Variants in CASC3 observed in about 807,000 individuals in gnomAD.
The protein encoded by CASC3 is protein CASC3.
A neutral mutation model predicts 80.5 loss-of-function variants in CASC3; 30 were observed. That is an observed-to-expected ratio of 0.37 (90% confidence interval 0.28 to 0.51). The LOEUF is 0.51. Ranked by LOEUF, CASC3 falls within the 20% of genes least tolerant of loss-of-function variation. The probability of loss-of-function intolerance (pLI) is 0.94; values close to 1 mark genes in which losing one functional copy is unlikely to be tolerated. For missense variants in CASC3, 824 were observed against 922.2 expected (o/e 0.89, Z 1.38); for synonymous variants, 312 against 333.6 (o/e 0.94, Z 0.70).
At chr17:40,142,616 C>T (rs990659738) in intron 3 of CASC3, among the ~76,000 whole-genome samples, 2 of 152,124 alleles carry the variant, frequency 1.3e-5, no homozygotes, top group African/African-American at 2.4e-5. Flanking sequence ...TGGCCCGGCG[C>T]GGTGGCTCAC....
chr17:40,145,126 G>A (rs535166757), intron 3 of CASC3, among the ~76,000 whole-genome samples: 44 of 151,852 alleles, frequency 2.9e-4, no homozygotes, highest in Admixed American at 1.9e-3. Flanking sequence ...CTCCCAAGGT[G>A]CTGGGATTAC....
intron 2 of CASC3, 30 bp downstream of exon 2, chr17:40,141,264 A>G (rs780896786): frequency 1.2e-6 from 2 of 1,604,790 alleles, no homozygotes; most frequent in Non-Finnish European, 1.7e-6. Flanking sequence ...CCATTAGGAC[A>G]AGAGTTTTTT....
chr17:40,141,366 T>A, intron 2 of CASC3, 132 bp downstream of exon 2: 1 of 931,298 alleles, frequency 1.1e-6, no homozygotes, highest in Non-Finnish European at 1.8e-6. Flanking sequence ...TGTAACATAG[T>A]GGTTAAGAGC....
At position 40,158,672 on chromosome 17, in the gene CASC3, C is replaced by T. The variant is rs560544143; in HGVS notation, c.298-3081C>T. ...CTTTCTGTGTCATGAACAGTGTTAC[C>T]CAATCTTGATGTGGTAAAAGAGGGA... On this transcript the variant is annotated intron_variant, in intron 3 of 13. Coordinates refer to ENST00000264645, the MANE Select transcript of CASC3 (RefSeq NM_007359.5). Among the ~76,000 whole-genome samples, 3 of 152,146 alleles carry T rather than the reference C, an allele frequency of 2.0e-5. No individual in the cohort carries two copies. The East Asian group carries it at 5.8e-4, about 29-fold the overall frequency.
At position 40,154,323 on chromosome 17, in the gene CASC3, C is replaced by T. The variant is rs1351618308; in HGVS notation, c.298-7430C>T. Among the ~76,000 whole-genome samples the T allele has an allele frequency of 2.0e-5, 3 of 151,848 alleles. No individual in the cohort carries two copies. In the East Asian group the frequency reaches 5.8e-4, roughly 29 times the overall value. On this transcript the variant is annotated intron_variant, in intron 3 of 13. Transcript: ENST00000264645. ...ACCTCAGCCTCCTCAGTAGTTGAGA[C>T]TATAGGCATCAGCCACCACACTTGA...
chr17:40,172,041 C>T lies in CASC3; in HGVS notation c.*1636C>T. ...CCTTAAGACACTGTGAGAGTTGTCT[C>T]TGTTGGTCCACTGTGTTTAGTTGCA... On this transcript the variant is annotated 3_prime_UTR_variant, in exon 14 of 14. Coordinates refer to ENST00000264645, the MANE Select transcript of CASC3 (RefSeq NM_007359.5). 2 of 1,289,948 alleles carry T rather than the reference C, an allele frequency of 1.6e-6. No individual in the cohort carries two copies. Among genetic ancestry groups the T allele is most frequent in the Non-Finnish European group, 1.0e-6 (1 of 988,866 alleles). The allele number at this position is 1,289,948 out of a possible 1,614,324, so 79.9% of individuals were successfully genotyped here. A position where few individuals can be genotyped will look rare whatever the true frequency, so the allele number is the denominator to read the frequency against.
intron 3 of CASC3, among the ~76,000 whole-genome samples, chr17:40,155,091 G>A (rs1191764576): frequency 6.6e-6 from 1 of 151,558 alleles, no homozygotes; most frequent in Admixed American, 6.6e-5. Context: ...GGGTTTCACC[G>A]TGTTAGCCAG....
chr17:40,158,012 CAG>C (rs990220484), intron 3 of CASC3, among the ~76,000 whole-genome samples: 1 of 152,096 alleles, frequency 6.6e-6, no homozygotes, highest in Admixed American at 6.5e-5. Context: ...CCTTGGGTGA[CAG>C]AGGCAGTGGA....
At position 40,168,704 on chromosome 17, in the gene CASC3, C is replaced by G. The variant is rs560079960; in HGVS notation, c.1965+287C>G. On this transcript the variant is annotated intron_variant, in intron 11 of 13. Transcript: ENST00000264645. ...CTCTTGGGTTCAAGCGATTCTTCTG[C>G]CTCAGCCTCCCGAGTAGCTGGGATT... The G allele has an allele frequency of 3.2e-4, 118 of 367,518 alleles. 1 individual carries two copies. The highest frequency in any genetic ancestry group is 2.7e-3 in the Middle Eastern group (3 of 1,132). 22.8% of individuals were successfully genotyped at this position (367,518 alleles called of 1,614,324 possible). A position where few individuals can be genotyped will look rare whatever the true frequency, so the allele number is the denominator to read the frequency against.
At chr17:40,141,013 T>C in intron 1 of CASC3, 194 bp from the exon 2 acceptor site, 1 of 640,214 alleles carries the variant, frequency 1.6e-6, no homozygotes, top group East Asian at 2.8e-5. Context: ...AAAGCGGATG[T>C]TTTATTCAGA....
chr17:40,154,596 C>T (rs1300649301), intron 3 of CASC3, among the ~76,000 whole-genome samples: 1 of 151,822 alleles, frequency 6.6e-6, no homozygotes, highest in African/African-American at 2.4e-5. Flanking sequence ...AGATGTAAGT[C>T]CCTTATCAGA....
intron 3 of CASC3, among the ~76,000 whole-genome samples, chr17:40,159,930 G>C (rs894209949): frequency 6.6e-6 from 1 of 151,778 alleles, no homozygotes; most frequent in African/African-American, 2.4e-5. Context: ...TGGCCAGGCT[G>C]GTCTCAAACT....
intron 3 of CASC3, among the ~76,000 whole-genome samples, chr17:40,154,395 G>A (rs907049279): frequency 2.6e-5 from 4 of 151,746 alleles, no homozygotes; most frequent in South Asian, 2.1e-4. Flanking sequence ...TGCCATGCCC[G>A]GCTAATTTTT....
intron 3 of CASC3, among the ~76,000 whole-genome samples, chr17:40,143,609 A>G (rs369858360): frequency 8.5e-5 from 13 of 152,152 alleles, no homozygotes; most frequent in East Asian, 7.8e-4. Context: ...AGGTGGGTGG[A>G]TAACAAGGTC....
At chr17:40,140,896 T>C in intron 1 of CASC3, 117 bp downstream of exon 1, 2 of 843,494 alleles carry the variant, frequency 2.4e-6, no homozygotes, top group East Asian at 5.7e-5. Flanking sequence ...TTTTTTTTGT[T>C]TTTGAGAGAA....
At chr17:40,160,730 C>T (rs1989273737) in intron 3 of CASC3, among the ~76,000 whole-genome samples, 1 of 151,958 alleles carries the variant, frequency 6.6e-6, no homozygotes, top group Non-Finnish European at 1.5e-5. Context: ...CCTCCGCCTC[C>T]CGGCTAATTT....
At chr17:40,156,638 G>A (rs1257762749) in intron 3 of CASC3, among the ~76,000 whole-genome samples, 12 of 151,774 alleles carry the variant, frequency 7.9e-5, no homozygotes, top group African/African-American at 7.3e-5. Context: ...GCAGTGAGCC[G>A]AGATCCAGCC....
intron 3 of CASC3, among the ~76,000 whole-genome samples, chr17:40,155,809 T>C (rs1436270343): frequency 6.6e-6 from 1 of 152,146 alleles, no homozygotes; most frequent in Non-Finnish European, 1.5e-5. Flanking sequence ...TAGGGGAGTT[T>C]GTCTCTTCTG....
At chr17:40,169,855 A>C (rs957307237) in intron 13 of CASC3, among the ~76,000 whole-genome samples, 193 bp downstream of exon 13, 1 of 140,474 alleles carries the variant, frequency 7.1e-6, no homozygotes, top group Non-Finnish European at 1.5e-5. Context: ...TCCTGAGTTC[A>C]AGCGATTCTC....
Sources: allele counts gnomAD v4.1 joint callset (sites outside exome capture counted in the v4.1 genomes callset), GRCh38; gene constraint gnomAD v4.1.1; transcripts MANE v1.5; gene names NCBI Gene and HGNC (gene_info 2026-07-23, HGNC 2026-07-21).